The following MTUS2 variants were observed in gnomAD, a reference collection of about 807,000 sequenced individuals.
MTUS2 encodes the protein microtubule-associated tumor suppressor candidate 2.
In MTUS2, 40 loss-of-function variants were observed where a neutral mutation model predicts 114.1. The ratio of observed to expected loss-of-function variants is 0.35; its 90% CI spans 0.27 to 0.46. The LOEUF is 0.46. Among genes scored for constraint, MTUS2 ranks in the 20% least tolerant of loss-of-function variants. The pLI is 1.00. For missense variants in MTUS2, 1,679 were observed against 1,705.4 expected (o/e 0.98, Z 0.27); for synonymous variants, 688 against 672.0 (o/e 1.02, Z -0.37).
chr13:29,033,829 A>G (rs1886937638), intron 3 of MTUS2, 56 bp from the exon 4 acceptor site: 3 of 1,604,706 alleles, frequency 1.9e-6, no homozygotes, highest in East Asian at 2.2e-5. Flanking sequence ...GGTCCTGTAT[A>G]GAACTCACAC....
intron 2 of MTUS2, among the ~76,000 whole-genome samples, chr13:28,871,988 C>G (rs1877647033): frequency 6.6e-6 from 1 of 152,156 alleles, no homozygotes; most frequent in African/African-American, 2.4e-5. Flanking sequence ...ATCACAATGG[C>G]TTGGGACCTC....
chr13:29,244,725 G>C (rs113859365), intron 5 of MTUS2, among the ~76,000 whole-genome samples: 7 of 151,924 alleles, frequency 4.6e-5, no homozygotes, highest in African/African-American at 1.7e-4. Context: ...GGGAGGCCGA[G>C]GCGGGCGGAT....
In MTUS2 at chr13:29,026,738, C is replaced by T. The variant is rs201916985; in HGVS notation, c.2040C>T (p.His680=). 7.1e-5 allele frequency: 115 copies of T among 1,613,984 alleles called. No homozygotes were observed. The highest frequency in any genetic ancestry group is 1.1e-4 in the East Asian group (5 of 44,878). The part of the protein sequence containing the change: ...APPTCTMPLP[H]EEKAAGGDLK... ...CCACATGTACCATGCCTCTTCCCCA[C>T]GAAGAGAAGGCAGCAGGTGGTGACC... Residue 680 remains histidine, a synonymous_variant, in exon 3 of 16, where the codon CAC becomes CAT. Transcript: ENST00000612955.
chr13:28,913,019 C>T (rs192426228), intron 2 of MTUS2, among the ~76,000 whole-genome samples: 18 of 152,092 alleles, frequency 1.2e-4, no homozygotes, highest in East Asian at 5.8e-4. Flanking sequence ...TGGGCTGAGA[C>T]GATGGGGTTT....
At chr13:29,011,512 C>T (rs1191616911) in intron 2 of MTUS2, among the ~76,000 whole-genome samples, 1 of 152,130 alleles carries the variant, frequency 6.6e-6, no homozygotes, top group African/African-American at 2.4e-5. Flanking sequence ...ACAAGTTATC[C>T]AAAGCAATCT....
At chr13:28,825,589 A>C (rs1041258444) in intron 1 of MTUS2, among the ~76,000 whole-genome samples, 1 of 151,876 alleles carries the variant, frequency 6.6e-6, no homozygotes, top group Non-Finnish European at 1.5e-5. Flanking sequence ...ACACACACAC[A>C]CCCCTGGCAA....
At chr13:29,338,431 C>CA (rs35869851) in intron 7 of MTUS2, among the ~76,000 whole-genome samples, 81,126 of 150,834 alleles carry the variant, frequency 0.54, 24,765 homozygotes, top group East Asian at 0.75. Context: ...TATTAAAATA[C>CA]AAAAAAAAAT....
intron 4 of MTUS2, among the ~76,000 whole-genome samples, chr13:29,056,338 ACTCTTTC>A (rs1281897433): frequency 6.6e-6 from 1 of 151,620 alleles, no homozygotes; most frequent in Non-Finnish European, 1.5e-5. Context: ...TTGAATAAGG[ACTCTTTC>A]CCCTGTTGCT....
At chr13:29,087,945 G>A (rs1247520491) in intron 4 of MTUS2, among the ~76,000 whole-genome samples, 2 of 151,810 alleles carry the variant, frequency 1.3e-5, no homozygotes, top group East Asian at 3.9e-4. Flanking sequence ...TGTAGTCCCA[G>A]CTACTTGGGA....
rs535426758 is a variant in MTUS2 at position 29,354,372 on chromosome 13, T to G, written c.2906-4890T>G. On this transcript the variant is annotated intron_variant, in intron 7 of 15. Coordinates refer to ENST00000612955, the MANE Select transcript of MTUS2 (RefSeq NM_001033602.4). ...TGTCATAACACTATTAAGCCACTAT[T>G]TTTCACCCTTGGAGAAAAAAGGGAT... Among the ~76,000 whole-genome samples the G allele has an allele frequency of 2.0e-5, 3 of 152,232 alleles. No individual in the cohort carries two copies. The South Asian group carries it at 6.2e-4, about 32-fold the overall frequency.
At chr13:29,237,987 A>G (rs1896597836) in intron 5 of MTUS2, among the ~76,000 whole-genome samples, 1 of 152,218 alleles carries the variant, frequency 6.6e-6, no homozygotes, top group Admixed American at 6.5e-5. Flanking sequence ...GAATTAGTTC[A>G]GCCATTATGG....
intron 7 of MTUS2, among the ~76,000 whole-genome samples, chr13:29,358,974 TTC>T (rs1306379750): frequency 9.5e-6 from 1 of 105,108 alleles, no homozygotes; most frequent in Non-Finnish European, 2.2e-5. Context: ...AAAAAAAAGC[TTC>T]TCTCTCTCCA....
chr13:29,416,733 CTGTT>C (rs944317139), intron 8 of MTUS2, among the ~76,000 whole-genome samples: 2 of 152,058 alleles, frequency 1.3e-5, no homozygotes, highest in African/African-American at 2.4e-5. Flanking sequence ...AGCTTTTTGT[CTGTT>C]TGTTTTTAAA....
At chr13:29,346,296 G>A (rs1035689871) in intron 7 of MTUS2, among the ~76,000 whole-genome samples, 3 of 152,120 alleles carry the variant, frequency 2.0e-5, no homozygotes, top group African/African-American at 7.2e-5. Context: ...TCAGCTACCA[G>A]GGTGGGTAGA....
chr13:29,267,687 G>A (rs1280303687), intron 5 of MTUS2, among the ~76,000 whole-genome samples: 1 of 152,184 alleles, frequency 6.6e-6, no homozygotes, highest in Non-Finnish European at 1.5e-5. Context: ...GGAATCACAT[G>A]GGTTCATGGT....
At chr13:28,904,341 T>C (rs576614161) in intron 2 of MTUS2, among the ~76,000 whole-genome samples, 4,907 of 152,278 alleles carry the variant, frequency 0.032, 261 homozygotes, top group African/African-American at 0.11. Context: ...GCCTATGTCC[T>C]GAATGGTATT....
At chr13:29,389,464 T>C (rs1242797173) in intron 8 of MTUS2, among the ~76,000 whole-genome samples, 2 of 51,608 alleles carry the variant, frequency 3.9e-5, no homozygotes, top group African/African-American at 8.8e-5. Context: ...CGTGTGTGTA[T>C]GTGTATATGT....
chr13:29,480,414 G>C lies in MTUS2; in HGVS notation c.3399+50G>C. On this transcript the variant is annotated intron_variant, in intron 10 of 15. Coordinates refer to ENST00000612955, the MANE Select transcript of MTUS2 (RefSeq NM_001033602.4). This position sits in a 1 kb window ranked among gnomAD's most constrained non-coding sequence, Gnocchi z 4.4. ...TCTGCTGTTGGGTGATGCAGGTGGCGGGCGGCGGGGATCCAGTGCCACATT... is the reference window on the plus strand; with the variant it reads ...TCTGCTGTTGGGTGATGCAGGTGGCCGGCGGCGGGGATCCAGTGCCACATT... 1 of 1,461,314 alleles carries C rather than the reference G, an allele frequency of 6.8e-7. No homozygotes were observed. Among genetic ancestry groups the C allele is most frequent in the Non-Finnish European group, 9.1e-7 (1 of 1,102,754 alleles). 90.5% of individuals were successfully genotyped at this position (1,461,314 alleles called of 1,614,324 possible).
chr13:29,350,898 C>G (rs934128668), intron 7 of MTUS2, among the ~76,000 whole-genome samples: 7 of 150,484 alleles, frequency 4.7e-5, no homozygotes, highest in African/African-American at 1.7e-4. Flanking sequence ...GGGACCTAAT[C>G]ACTTCCCAAA....
Sources: gnomAD v4.1 joint callset for allele counts (sites outside exome capture counted in the v4.1 genomes callset) on GRCh38, gnomAD v4.1.1 for gene constraint, Gnocchi (gnomAD v3.1) non-coding constraint, MANE v1.5 for transcripts, NCBI Gene and HGNC (gene_info 2026-07-23, HGNC 2026-07-21) for gene names.